NKAIN3: variants seen among roughly 807,000 people sequenced by gnomAD.
NKAIN3 encodes the protein sodium/potassium-transporting ATPase subunit beta-1-interacting protein 3.
Under a neutral mutation model 30.2 loss-of-function variants are expected in NKAIN3, and 25 were observed. The ratio of observed to expected loss-of-function variants is 0.83; its 90% CI spans 0.60 to 1.16. NKAIN3 has a LOEUF of 1.16. Among genes scored for constraint, NKAIN3 ranks in the 50% most tolerant of loss-of-function variants. The pLI is 0.00. For missense variants in NKAIN3, 225 were observed against 254.1 expected, an observed-to-expected ratio of 0.89 and a Z score of 0.78; for synonymous variants, 91 against 89.6, an observed-to-expected ratio of 1.02 and a Z score of -0.09.
intron 3 of NKAIN3, among the ~76,000 whole-genome samples, chr8:62,630,454 A>G (rs767221491): frequency 1.3e-5 from 2 of 152,188 alleles, no homozygotes; most frequent in Admixed American, 6.5e-5. Context: ...GTAGCACTTC[A>G]TAATCATGTA....
intron 3 of NKAIN3, among the ~76,000 whole-genome samples, chr8:62,633,438 T>G (rs1469325194): frequency 1.3e-5 from 2 of 152,204 alleles, no homozygotes; most frequent in African/African-American, 4.8e-5. Context: ...AGTCACATGT[T>G]TCTGCATTGG....
intron 1 of NKAIN3, among the ~76,000 whole-genome samples, chr8:62,435,939 CACAGTATGCCTTTAT>C: frequency 6.6e-6 from 1 of 152,148 alleles, no homozygotes; most frequent in East Asian, 1.9e-4. Context: ...AAATATTCTA[CACAGTATGCCTTTAT>C]ATGAGTATAC....
chr8:62,915,078 G>A (rs531109563), intron 4 of NKAIN3, among the ~76,000 whole-genome samples: 51 of 152,198 alleles, frequency 3.4e-4, no homozygotes, highest in African/African-American at 1.1e-3. Context: ...TAAGACTTAA[G>A]CAATTTTCTC....
intron 4 of NKAIN3, among the ~76,000 whole-genome samples, chr8:62,768,576 G>A (rs888166577): frequency 2.6e-5 from 4 of 152,056 alleles, no homozygotes; most frequent in African/African-American, 4.8e-5. Flanking sequence ...GTTCTATCAC[G>A]GGAAATGAAT....
intron 4 of NKAIN3, among the ~76,000 whole-genome samples, chr8:62,899,400 A>G (rs1302528818): frequency 1.3e-5 from 2 of 152,222 alleles, no homozygotes; most frequent in Admixed American, 6.5e-5. Context: ...CTGTTCAGCC[A>G]TAAAAAAAGA....
intron 4 of NKAIN3, among the ~76,000 whole-genome samples, chr8:62,843,378 C>G (rs1003464476): frequency 3.3e-5 from 5 of 151,270 alleles, no homozygotes; most frequent in Admixed American, 2.6e-4. Flanking sequence ...ATTCGGTCAC[C>G]TAGGCTAGAA....
chr8:62,863,355 T>G, intron 4 of NKAIN3: 1 of 1,547,260 alleles, frequency 6.5e-7, no homozygotes, highest in Non-Finnish European at 8.8e-7. Context: ...TGGTCTCAGC[T>G]GCCGTTCTTC....
chr8:62,677,107 C>A (rs948099972), intron 3 of NKAIN3, among the ~76,000 whole-genome samples: 4 of 152,080 alleles, frequency 2.6e-5, no homozygotes, highest in African/African-American at 9.7e-5. Flanking sequence ...TTCAATCGGT[C>A]TGATTTCCCA....
At chr8:62,293,310 G>T (rs887484273) in intron 1 of NKAIN3, among the ~76,000 whole-genome samples, 2 of 152,086 alleles carry the variant, frequency 1.3e-5, no homozygotes, top group African/African-American at 2.4e-5. Context: ...GAGAAGAGGC[G>T]CTCTGATTTT....
At chr8:62,289,117 A>C (rs189183421) in intron 1 of NKAIN3, among the ~76,000 whole-genome samples, 9 of 152,196 alleles carry the variant, frequency 5.9e-5, no homozygotes, top group Non-Finnish European at 1.2e-4. Flanking sequence ...AATTTGTTTA[A>C]GTTCTTTGTA....
At chr8:62,595,887 G>A (rs1231613478) in intron 3 of NKAIN3, among the ~76,000 whole-genome samples, 1 of 151,954 alleles carries the variant, frequency 6.6e-6, no homozygotes, top group Non-Finnish European at 1.5e-5. Flanking sequence ...TGCATCTGGA[G>A]CTCCATTTGA....
intron 5 of NKAIN3, chr8:62,990,500 G>A (rs1356366256): frequency 2.1e-6 from 1 of 467,292 alleles, no homozygotes. Context: ...CATCTTACCT[G>A]GAATTTCCAC....
intron 3 of NKAIN3, among the ~76,000 whole-genome samples, chr8:62,674,574 G>T (rs1181246703): frequency 1.3e-5 from 2 of 152,122 alleles, no homozygotes; most frequent in Admixed American, 1.3e-4. Flanking sequence ...GTAATAAATG[G>T]CAAGGAAGTG....
intron 5 of NKAIN3, among the ~76,000 whole-genome samples, chr8:62,922,231 A>G (rs1236723511): frequency 5.3e-5 from 8 of 152,230 alleles, no homozygotes; most frequent in Admixed American, 4.6e-4. Context: ...AAAACATTTC[A>G]TCGCTCTACT....
intron 3 of NKAIN3, among the ~76,000 whole-genome samples, chr8:62,702,321 CAG>C (rs1210496681): frequency 6.6e-6 from 1 of 152,030 alleles, no homozygotes; most frequent in African/African-American, 2.4e-5. Context: ...TCATTCCACT[CAG>C]AAAGTATCCA....
chr8:62,665,638 T>C (rs1813075177), intron 3 of NKAIN3, among the ~76,000 whole-genome samples: 2 of 151,992 alleles, frequency 1.3e-5, no homozygotes, highest in African/African-American at 4.8e-5. Context: ...TTTAAAGGGG[T>C]GTATTTATGA....
At chr8:62,298,563 C>T (rs1813923847) in intron 1 of NKAIN3, among the ~76,000 whole-genome samples, 1 of 152,090 alleles carries the variant, frequency 6.6e-6, no homozygotes. Context: ...TGCACTGCAG[C>T]CACACTGGCC....
chr8:62,497,205 C>A (rs1807269671), intron 1 of NKAIN3, among the ~76,000 whole-genome samples: 4 of 151,266 alleles, frequency 2.6e-5, no homozygotes, highest in African/African-American at 9.7e-5. Context: ...TAGAAAAAAT[C>A]AAAATGCACA....
intron 3 of NKAIN3, among the ~76,000 whole-genome samples, chr8:62,699,259 A>G (rs1472341346): frequency 1.3e-5 from 2 of 152,220 alleles, no homozygotes; most frequent in East Asian, 3.8e-4. Flanking sequence ...AACAAGTTCA[A>G]GGAAATTAGT....
Sources: gnomAD v4.1 joint callset for allele counts (sites outside exome capture counted in the v4.1 genomes callset) on GRCh38, gnomAD v4.1.1 for gene constraint, MANE v1.5 for transcripts, NCBI Gene and HGNC (gene_info 2026-07-23, HGNC 2026-07-21) for gene names.